BBS9: variants seen among roughly 807,000 people sequenced by gnomAD.
BBS9 encodes Bardet-Biedl syndrome 9.
A neutral mutation model predicts 117.7 loss-of-function variants in BBS9; 89 were observed. That is an observed-to-expected ratio of 0.76 (90% CI 0.64 to 0.90). The LOEUF (loss-of-function observed/expected upper bound fraction) is 0.90. BBS9 is among the 40% of genes least tolerant of loss of function. BBS9 has a pLI of 0.00. For synonymous variants in BBS9, 379 were observed against 370.9 expected (o/e 1.02, Z -0.25); for missense variants, 982 against 1,042.2 (o/e 0.94, Z 0.80).
At chr7:33,368,605 CA>C (rs1822257325) in intron 17 of BBS9, among the ~76,000 whole-genome samples, 1 of 151,446 alleles carries the variant, frequency 6.6e-6, no homozygotes, top group African/African-American at 2.4e-5. Context: ...CACACACACA[CA>C]CACACACACA....
intron 9 of BBS9, among the ~76,000 whole-genome samples, chr7:33,335,835 C>G (rs867657394): frequency 2.0e-5 from 3 of 151,940 alleles, no homozygotes; most frequent in Non-Finnish European, 2.9e-5. Flanking sequence ...AATAGGAGAG[C>G]GTGTGAAGGA....
At chr7:33,232,925 C>A (rs1792760678) in intron 5 of BBS9, among the ~76,000 whole-genome samples, 1 of 152,278 alleles carries the variant, frequency 6.6e-6, no homozygotes. Context: ...TCGTAACTCT[C>A]AAACAATTCA....
intron 5 of BBS9, 58 bp from the exon 6 acceptor site, chr7:33,257,178 A>G: frequency 8.2e-7 from 1 of 1,222,330 alleles, no homozygotes; most frequent in Non-Finnish European, 1.1e-6. Context: ...AGTGATTAAT[A>G]AAAATATTAT....
chr7:33,543,362 T>C (rs1210075152), intron 21 of BBS9, among the ~76,000 whole-genome samples: 2 of 152,090 alleles, frequency 1.3e-5, no homozygotes, highest in African/African-American at 4.8e-5. Flanking sequence ...TATTACTCCC[T>C]TGTCAGATGT....
intron 5 of BBS9, among the ~76,000 whole-genome samples, chr7:33,207,282 A>G (rs1787102758): frequency 6.6e-6 from 1 of 152,222 alleles, no homozygotes; most frequent in Non-Finnish European, 1.5e-5. Context: ...TTACTGTGGT[A>G]GTTGCAAAAT....
chr7:33,234,155 G>GCC (rs983398058), intron 5 of BBS9, among the ~76,000 whole-genome samples: 1 of 151,870 alleles, frequency 6.6e-6, no homozygotes, highest in Non-Finnish European at 1.5e-5. Context: ...CTGAATAATG[G>GCC]CCCCAAAGTG....
At chr7:33,541,160 T>A (rs10282517) in intron 21 of BBS9, among the ~76,000 whole-genome samples, 69,738 of 151,636 alleles carry the variant, frequency 0.46, 16,649 homozygotes, top group South Asian at 0.57. Flanking sequence ...GCTCCACATG[T>A]CTCCACCAAT....
chr7:33,135,867 A>G (rs976464881), intron 1 of BBS9, among the ~76,000 whole-genome samples: 5 of 151,892 alleles, frequency 3.3e-5, no homozygotes, highest in African/African-American at 7.2e-5. Flanking sequence ...CAATGTTTTC[A>G]TAGTTTTCAG....
chr7:33,391,721 C>G (rs527371484), intron 19 of BBS9, among the ~76,000 whole-genome samples: 1 of 151,996 alleles, frequency 6.6e-6, no homozygotes, highest in Non-Finnish European at 1.5e-5. Context: ...CTTTGTCTTA[C>G]CATTTTGTGT....
At chr7:33,405,579 G>T (rs1292972208) in intron 19 of BBS9, among the ~76,000 whole-genome samples, 16 of 152,200 alleles carry the variant, frequency 1.1e-4, no homozygotes, top group Admixed American at 5.2e-4. Flanking sequence ...TTGGGAGGAT[G>T]TGTGTGTCAA....
chr7:33,563,852 G>A (rs977924542), intron 21 of BBS9, among the ~76,000 whole-genome samples: 26 of 152,168 alleles, frequency 1.7e-4, no homozygotes, highest in Non-Finnish European at 7.3e-5. Context: ...TGCGAAGTGC[G>A]AGCTTCTTTG....
intron 5 of BBS9, among the ~76,000 whole-genome samples, chr7:33,253,254 C>T (rs1796504918): frequency 6.6e-6 from 1 of 152,124 alleles, no homozygotes; most frequent in Non-Finnish European, 1.5e-5. Flanking sequence ...AGATTAGGTT[C>T]TGTGTTATTT....
intron 19 of BBS9, among the ~76,000 whole-genome samples, chr7:33,443,480 T>A (rs1270489006): frequency 6.6e-6 from 1 of 152,158 alleles, no homozygotes; most frequent in African/African-American, 2.4e-5. Flanking sequence ...AAAAATTGTC[T>A]CTCAAGGACA....
chr7:33,591,523 C>T (rs1331959185), intron 21 of BBS9, among the ~76,000 whole-genome samples: 2 of 151,994 alleles, frequency 1.3e-5, no homozygotes, highest in African/African-American at 4.8e-5. Flanking sequence ...GAAGGACTTG[C>T]CAACACCCGT....
intron 9 of BBS9, among the ~76,000 whole-genome samples, chr7:33,307,414 TTTC>T (rs1232593716): frequency 6.6e-6 from 1 of 152,168 alleles, no homozygotes; most frequent in African/African-American, 2.4e-5. Context: ...TTCAAAAAAG[TTTC>T]TTATTAGCAG....
chr7:33,257,303 T>C lies in BBS9; in HGVS notation c.510T>C (p.Ala170=). ...TGGTATTTGAGCAGGAGAGCTATGC[T>C]TTTGGAAGATTTCTCCCTGGCTTTC... ...MLMVFEQESY[A]FGRFLPGFLL... Residue 170 remains alanine, a synonymous_variant, in exon 6 of 23, where the codon GCT becomes GCC. Coordinates refer to ENST00000242067, the MANE Select transcript of BBS9 (RefSeq NM_198428.3). 2 of 1,613,946 alleles carry C rather than the reference T, an allele frequency of 1.2e-6. No homozygotes were observed. The highest frequency in any genetic ancestry group is 1.7e-6 in the Non-Finnish European group (2 of 1,179,876).
chr7:33,386,609 G>A (rs1046014791), intron 18 of BBS9, among the ~76,000 whole-genome samples: 4 of 151,936 alleles, frequency 2.6e-5, no homozygotes, highest in Admixed American at 1.3e-4. Flanking sequence ...TCCTGCCTCA[G>A]CCTCCTGAGT....
chr7:33,266,817 A>G (rs1798909149), intron 7 of BBS9, among the ~76,000 whole-genome samples: 1 of 152,258 alleles, frequency 6.6e-6, no homozygotes, highest in Non-Finnish European at 1.5e-5. Context: ...ATCTTGGCTC[A>G]CTGCAACCTC....
chr7:33,189,653 T>C (rs1783730005), intron 5 of BBS9, among the ~76,000 whole-genome samples: 1 of 151,756 alleles, frequency 6.6e-6, no homozygotes, highest in East Asian at 2.0e-4. Flanking sequence ...TTTGGGAGGC[T>C]GAGGGGGGCG....
Sources: allele counts gnomAD v4.1 joint callset (sites outside exome capture counted in the v4.1 genomes callset), GRCh38; gene constraint gnomAD v4.1.1; transcripts MANE v1.5; gene names NCBI Gene and HGNC (gene_info 2026-07-23, HGNC 2026-07-21).